Variants in NTM observed in about 807,000 individuals in gnomAD.
The protein encoded by NTM is neurotrimin.
In NTM, 13 loss-of-function variants were observed where a neutral mutation model predicts 42.1. The ratio of observed to expected loss-of-function variants is 0.31; its 90% CI spans 0.20 to 0.49. The LOEUF (loss-of-function observed/expected upper bound fraction) is 0.49. Among genes scored for constraint, NTM ranks in the 20% least tolerant of loss-of-function variants. NTM has a pLI of 0.99. For missense variants in NTM, 373 were observed against 452.8 expected (o/e 0.82, Z 1.60); for synonymous variants, 187 against 179.2 (o/e 1.04, Z -0.35).
At chr11:131,545,141 A>T (rs1241357920) in intron 1 of NTM, among the ~76,000 whole-genome samples, 1 of 152,130 alleles carries the variant, frequency 6.6e-6, no homozygotes, top group East Asian at 1.9e-4. Context: ...AGAGTTTAAG[A>T]ATGAAAAGAA....
At chr11:132,187,398 C>T (rs1015683999) in intron 3 of NTM, among the ~76,000 whole-genome samples, 1 of 152,140 alleles carries the variant, frequency 6.6e-6, no homozygotes, top group African/African-American at 2.4e-5. Flanking sequence ...TGCTCCCCAC[C>T]CACGTATCCC....
chr11:131,751,753 C>T (rs531307575), intron 1 of NTM, among the ~76,000 whole-genome samples: 9 of 150,588 alleles, frequency 6.0e-5, no homozygotes, highest in East Asian at 2.0e-4. Context: ...AGCAAGATTC[C>T]GTCCCCCCCT....
At chr11:131,870,544 C>T (rs755218197) in intron 1 of NTM, among the ~76,000 whole-genome samples, 4 of 152,110 alleles carry the variant, frequency 2.6e-5, no homozygotes, top group Non-Finnish European at 4.4e-5. Flanking sequence ...TGTGAGCCAG[C>T]GAGGGCCCTC....
At chr11:131,698,239 A>G (rs1251359429) in intron 1 of NTM, among the ~76,000 whole-genome samples, 1 of 152,152 alleles carries the variant, frequency 6.6e-6, no homozygotes, top group African/African-American at 2.4e-5. Context: ...GGTTCCTGCT[A>G]TACCCTGGCC....
chr11:131,910,578 G>A (rs1490473560), intron 1 of NTM, among the ~76,000 whole-genome samples: 2 of 151,150 alleles, frequency 1.3e-5, no homozygotes, highest in Non-Finnish European at 3.0e-5. Flanking sequence ...TGGAGCTGCT[G>A]CCATGACAAC....
chr11:131,615,867 G>C (rs2061878638), intron 1 of NTM, among the ~76,000 whole-genome samples: 1 of 152,212 alleles, frequency 6.6e-6, no homozygotes, highest in Admixed American at 6.5e-5. Flanking sequence ...CTGCTGAATG[G>C]ACAGCCCATG....
At position 131,972,811 on chromosome 11, in the gene NTM, T is replaced by C. The variant is rs75044152; in HGVS notation, c.167+61163T>C. ...AAAAAGAGTGCCACTTACAATCTCA[T>C]GTATAATTTTAAATGAAAGAAAGCC... On this transcript the variant is annotated intron_variant, in intron 2 of 8. Transcript: ENST00000683400. 9.0e-3 allele frequency among the ~76,000 whole-genome samples: 1,374 copies of C among 152,274 alleles called. 10 individuals carry two copies. Among genetic ancestry groups the C allele is most frequent in the South Asian group, 0.016 (76 of 4,826 alleles).
chr11:131,464,433 T>C (rs576587140), intron 1 of NTM, among the ~76,000 whole-genome samples: 1 of 152,084 alleles, frequency 6.6e-6, no homozygotes, highest in South Asian at 2.1e-4. Flanking sequence ...GGCAGCCGTC[T>C]CTAACCTGGG....
chr11:131,485,889 G>A (rs929477284), intron 1 of NTM, among the ~76,000 whole-genome samples: 2 of 152,100 alleles, frequency 1.3e-5, no homozygotes, highest in Non-Finnish European at 2.9e-5. Flanking sequence ...TTCATTTCTC[G>A]AGATCCTAGG....
chr11:131,867,103 C>T (rs759619261), intron 1 of NTM, among the ~76,000 whole-genome samples: 1 of 152,136 alleles, frequency 6.6e-6, no homozygotes, highest in Non-Finnish European at 1.5e-5. Context: ...GTAAATTAGC[C>T]AGGAAATTAG....
At chr11:131,371,695 C>T (rs1941206723) in intron 1 of NTM, among the ~76,000 whole-genome samples, 1 of 152,210 alleles carries the variant, frequency 6.6e-6, no homozygotes, top group Non-Finnish European at 1.5e-5. Flanking sequence ...AGTCCATTTG[C>T]TGCACCGTGC....
At position 132,003,810 on chromosome 11, in the gene NTM, C is replaced by A. The variant is rs763732429; in HGVS notation, c.167+92162C>A. On this transcript the variant is annotated intron_variant, in intron 2 of 8. Coordinates refer to ENST00000683400, the MANE Select transcript of NTM (RefSeq NM_001352005.2). This position sits in a 1 kb window ranked among gnomAD's most constrained non-coding sequence, Gnocchi z 6.0. Reference sequence around the variant, plus strand: ...TTTTCTGGACCTGCCACTTACAGAACCAGCTTCATTGAGATGTTGTTTAAA... The same window carrying A: ...TTTTCTGGACCTGCCACTTACAGAAACAGCTTCATTGAGATGTTGTTTAAA... Among the ~76,000 whole-genome samples, 7 of 152,160 alleles carry A rather than the reference C, an allele frequency of 4.6e-5. No homozygotes were observed. The highest frequency in any genetic ancestry group is 1.0e-4 in the Non-Finnish European group (7 of 68,024).
At chr11:132,225,293 G>A (rs1476439112) in intron 4 of NTM, among the ~76,000 whole-genome samples, 1 of 150,890 alleles carries the variant, frequency 6.6e-6, no homozygotes, top group African/African-American at 2.5e-5. Context: ...GGGAGAGGTA[G>A]TGCCATGGAG....
At chr11:132,039,773 C>G (rs973158361) in intron 2 of NTM, among the ~76,000 whole-genome samples, 23 of 152,204 alleles carry the variant, frequency 1.5e-4, no homozygotes, top group African/African-American at 5.5e-4. Flanking sequence ...CAACTCCATG[C>G]TCATATTGCA....
chr11:131,809,296 C>T (rs999061004), intron 1 of NTM, among the ~76,000 whole-genome samples: 2 of 152,262 alleles, frequency 1.3e-5, no homozygotes, highest in Non-Finnish European at 2.9e-5. Context: ...CCTCCCCGCA[C>T]TGCCAGCTTT....
chr11:131,874,362 A>G (rs2048284977), intron 1 of NTM, among the ~76,000 whole-genome samples: 1 of 152,074 alleles, frequency 6.6e-6, no homozygotes, highest in African/African-American at 2.4e-5. Context: ...AATTGTGTTC[A>G]TCATGATGGC....
intron 6 of NTM, 93 bp downstream of exon 6, chr11:132,310,325 T>C (rs1449298133): frequency 5.3e-6 from 7 of 1,309,092 alleles, no homozygotes; most frequent in African/African-American, 1.5e-5. Context: ...AAACGAGTTC[T>C]ATAAAATCCT....
At chr11:131,853,360 C>A (rs953457807) in intron 1 of NTM, among the ~76,000 whole-genome samples, 3 of 152,136 alleles carry the variant, frequency 2.0e-5, no homozygotes, top group African/African-American at 7.2e-5. Context: ...ACCCAAGAAT[C>A]CATTCGCTAT....
chr11:132,304,972 C>T (rs2095025002), intron 4 of NTM, among the ~76,000 whole-genome samples: 1 of 152,128 alleles, frequency 6.6e-6, no homozygotes, highest in African/African-American at 2.4e-5. Context: ...TACGCCTTCC[C>T]CAAAACTTGA....
Sources: gnomAD v4.1 joint callset for allele counts (sites outside exome capture counted in the v4.1 genomes callset) on GRCh38, gnomAD v4.1.1 for gene constraint, Gnocchi (gnomAD v3.1) non-coding constraint, MANE v1.5 for transcripts, NCBI Gene and HGNC (gene_info 2026-07-23, HGNC 2026-07-21) for gene names.